MYOM2: variants seen among roughly 807,000 people sequenced by gnomAD.
MYOM2 encodes the protein myomesin 2, also known as myomesin-2.
MYOM2 carries 254 observed loss-of-function variants against 187.6 expected under a neutral mutation model. That is an observed-to-expected ratio of 1.35 (90% CI 1.22 to 1.50). The LOEUF is 1.50. Among genes scored for constraint, MYOM2 ranks in the 40% most tolerant of loss-of-function variants. MYOM2 has a pLI of 0.00. For missense variants in MYOM2, 2,796 were observed against 1,924.0 expected (o/e 1.45, Z -8.48); for synonymous variants, 981 against 753.8 (o/e 1.30, Z -4.94).
Position 2,115,917 on chromosome 8 carries a change from G to C in MYOM2, c.3181-43G>C, listed in dbSNP as rs201711587. On this transcript the variant is annotated intron_variant, in intron 25 of 36. Transcript: ENST00000262113. Reference sequence around the variant, plus strand: ...AATGTTGCAAGGGAAAACTAGGAGAGATTTCCTTGTATAATTCTCCATTTC... The same window carrying C: ...AATGTTGCAAGGGAAAACTAGGAGACATTTCCTTGTATAATTCTCCATTTC... 5.7e-4 allele frequency: 915 copies of C among 1,592,958 alleles called. 1 individual carries two copies. Among genetic ancestry groups the C allele is most frequent in the Non-Finnish European group, 6.9e-4 (809 of 1,169,662 alleles).
At position 2,096,258 on chromosome 8, in the gene MYOM2, C is replaced by T. The variant is rs779315427; in HGVS notation, c.2137C>T (p.His713Tyr). The change falls in exon 18 of 37, where the codon CAT becomes TAT. Residue 713 changes from histidine (H) to tyrosine (Y), a missense_variant. Transcript: ENST00000262113. The stretch of plus-strand genomic sequence containing the variant: ...GTGCTTCCTTGCAGCCGTCCCGTCC[C>T]ATCCTTATGGGATTACGCTCCTCAA... ...KVQAALTVPS[H>Y]PYGITLLNCD... is the part of the protein sequence containing the mutation. 2 of 1,614,036 alleles carry T rather than the reference C, an allele frequency of 1.2e-6. No homozygotes were observed. Among genetic ancestry groups the T allele is most frequent in the South Asian group, 1.1e-5 (1 of 91,068 alleles).
At chr8:2,079,096 C>T (rs1015485678) in intron 12 of MYOM2, among the ~76,000 whole-genome samples, 163 bp downstream of exon 12, 1 of 152,192 alleles carries the variant, frequency 6.6e-6, no homozygotes, top group Non-Finnish European at 1.5e-5. Flanking sequence ...TCTCCACCAA[C>T]ATCACTACAG....
intron 20 of MYOM2, chr8:2,102,394 A>C (rs975491180): frequency 2.8e-6 from 1 of 360,366 alleles, no homozygotes; most frequent in Non-Finnish European, 5.1e-6. Context: ...TAAACTAGTC[A>C]GTATGATTTT....
chr8:2,057,547 G>A (rs184627766), intron 4 of MYOM2, 61 bp downstream of exon 4: 205 of 1,612,960 alleles, frequency 1.3e-4, no homozygotes, highest in Non-Finnish European at 1.6e-4. Flanking sequence ...TAGCTTGTCT[G>A]CATGGTGCTT....
intron 14 of MYOM2, among the ~76,000 whole-genome samples, chr8:2,087,172 C>T (rs963042613): frequency 2.0e-5 from 3 of 152,156 alleles, no homozygotes; most frequent in Non-Finnish European, 4.4e-5. Flanking sequence ...ACTCCAATGT[C>T]CTACAAAGGC....
At chr8:2,090,412 A>G (rs1796257424) in intron 15 of MYOM2, among the ~76,000 whole-genome samples, 1 of 151,936 alleles carries the variant, frequency 6.6e-6, no homozygotes, top group African/African-American at 2.4e-5. Context: ...GAAACCAGTA[A>G]GTGAGTTGAA....
intron 6 of MYOM2, among the ~76,000 whole-genome samples, chr8:2,068,872 A>G (rs1168481544): frequency 6.6e-6 from 1 of 152,196 alleles, no homozygotes; most frequent in East Asian, 1.9e-4. Context: ...CAGGCTCTGT[A>G]TCATCCCATC....
chr8:2,128,884 T>G (rs1797750628), intron 31 of MYOM2, among the ~76,000 whole-genome samples: 1 of 152,230 alleles, frequency 6.6e-6, no homozygotes, highest in African/African-American at 2.4e-5. Flanking sequence ...TAGACAGTTC[T>G]ATATCTTTTA....
At chr8:2,129,005 G>T in intron 31 of MYOM2, 122 bp from the exon 32 acceptor site, 1 of 623,098 alleles carries the variant, frequency 1.6e-6, no homozygotes, top group Non-Finnish European at 2.9e-6. Context: ...CCGACTTTAT[G>T]AGAGACACAA....
intron 14 of MYOM2, among the ~76,000 whole-genome samples, chr8:2,089,215 T>G (rs951370444): frequency 6.4e-5 from 1 of 15,640 alleles, no homozygotes; most frequent in Admixed American, 1.4e-3. Context: ...AAAAATAAGA[T>G]AAAACATGTA....
intron 6 of MYOM2, among the ~76,000 whole-genome samples, chr8:2,060,258 G>C (rs1159243824): frequency 6.6e-6 from 1 of 152,076 alleles, no homozygotes; most frequent in African/African-American, 2.4e-5. Flanking sequence ...GCTTGTCCAG[G>C]AGCCAGAAGG....
chr8:2,094,879 C>G (rs1428173426), intron 17 of MYOM2, among the ~76,000 whole-genome samples: 1 of 152,148 alleles, frequency 6.6e-6, no homozygotes, highest in East Asian at 1.9e-4. Context: ...CAGGGACCGT[C>G]CCTAGAACAG....
At chr8:2,128,134 A>G (rs918856998) in intron 31 of MYOM2, among the ~76,000 whole-genome samples, 9 of 152,162 alleles carry the variant, frequency 5.9e-5, no homozygotes, top group African/African-American at 2.2e-4. Flanking sequence ...GCTCTTTTCT[A>G]TAGAGAAATT....
intron 1 of MYOM2, among the ~76,000 whole-genome samples, chr8:2,047,226 A>C (rs985789888): frequency 1.3e-5 from 2 of 152,164 alleles, no homozygotes; most frequent in African/African-American, 4.8e-5. Flanking sequence ...GCAGGCACCC[A>C]GCACGTGCTG....
chr8:2,055,532 G>A (rs1485124008), intron 3 of MYOM2, among the ~76,000 whole-genome samples: 1 of 152,126 alleles, frequency 6.6e-6, no homozygotes, highest in Non-Finnish European at 1.5e-5. Flanking sequence ...ACAGGGAGGT[G>A]CGAGGTGAGG....
At position 2,094,243 on chromosome 8, in the gene MYOM2, C is replaced by G. The variant is rs7828132; in HGVS notation, c.2125+152C>G. ...GAACTTGAGTTTCTTTGAAGCCTCT[C>G]GGTTGGCTGCTTGTCTTGGAAATGA... On this transcript the variant is annotated intron_variant, in intron 17 of 36. Transcript: ENST00000262113. 4.3e-6 allele frequency: 4 copies of G among 937,024 alleles called. No homozygotes were observed. In the East Asian group the frequency reaches 1.1e-4, roughly 25 times the overall value. The allele number at this position is 937,024 out of a possible 1,614,324, so 58.0% of individuals were successfully genotyped here.
chr8:2,050,214 G>A (rs575379146), intron 1 of MYOM2, among the ~76,000 whole-genome samples: 1 of 152,180 alleles, frequency 6.6e-6, no homozygotes, highest in African/African-American at 2.4e-5. Flanking sequence ...CTTTGCTTAT[G>A]GGCTGCCCTC....
intron 14 of MYOM2, 83 bp from the exon 15 acceptor site, chr8:2,089,925 A>T (rs1174938320): frequency 4.3e-6 from 6 of 1,381,952 alleles, no homozygotes; most frequent in Non-Finnish European, 6.0e-6. Flanking sequence ...GGATAGCGAG[A>T]ACAGAGCATT....
At chr8:2,080,394 CA>C (rs993045585) in intron 13 of MYOM2, among the ~76,000 whole-genome samples, 2 of 152,234 alleles carry the variant, frequency 1.3e-5, no homozygotes, top group African/African-American at 4.8e-5. Context: ...AGTATCCACA[CA>C]TTGCATGTTC....
Sources: allele counts gnomAD v4.1 joint callset (sites outside exome capture counted in the v4.1 genomes callset), GRCh38; gene constraint gnomAD v4.1.1; transcripts MANE v1.5; gene names NCBI Gene and HGNC (gene_info 2026-07-23, HGNC 2026-07-21).